Variants in INO80D observed in about 807,000 individuals in gnomAD.
INO80D encodes INO80 complex subunit D.
INO80D carries 21 observed loss-of-function variants against 87.6 expected under a neutral mutation model. That is an observed-to-expected ratio of 0.24 (90% CI 0.17 to 0.35). The LOEUF is 0.35. Ranked by LOEUF, INO80D falls within the 10% of genes least tolerant of loss-of-function variation. The pLI is 1.00. For synonymous variants in INO80D, 440 were observed against 491.0 expected (o/e 0.90, Z 1.37); for missense variants, 982 against 1,280.7 (o/e 0.77, Z 3.56).
intron 5 of INO80D, among the ~76,000 whole-genome samples, chr2:206,035,821 C>G (rs1688877111): frequency 6.6e-6 from 1 of 152,164 alleles, no homozygotes; most frequent in South Asian, 2.1e-4. Flanking sequence ...TCTTCACAAT[C>G]TATTCATCTG....
intron 8 of INO80D, among the ~76,000 whole-genome samples, chr2:206,015,135 G>A (rs1217698565): frequency 6.6e-6 from 1 of 152,132 alleles, no homozygotes; most frequent in South Asian, 2.1e-4. Context: ...GTTTTAAAAG[G>A]GAAATATAGA....
At chr2:206,050,791 AC>A (rs1348020284) in intron 4 of INO80D, among the ~76,000 whole-genome samples, 7 of 151,396 alleles carry the variant, frequency 4.6e-5, no homozygotes, top group Admixed American at 1.3e-4. Context: ...ACACGGTGAA[AC>A]CCCCGTCTCT....
Position 206,005,152 on chromosome 2 carries a change from G to A in INO80D, c.2300C>T (p.Ala767Val). Residue 767 changes from alanine (A) to valine (V), a missense_variant, in exon 11 of 11, where the codon GCC becomes GTC. Coordinates refer to ENST00000403263, the MANE Select transcript of INO80D (RefSeq NM_017759.5). ...AAGTGCACTCTGGCTGATCAGAGTG[G>A]CAGAAGTAAGGCCAACGTTGGCTGG... is the stretch of plus-strand genomic sequence containing the variant. ...SAPANVGLTS[A>V]TLISQSALGE... The A allele has an allele frequency of 6.2e-7, 1 of 1,614,048 alleles. No individual in the cohort carries two copies.
rs1226326534 is a variant in INO80D at position 206,002,698 on chromosome 2, G to C, written c.*1670C>G. The C allele has an allele frequency of 6.6e-6, 1 of 152,146 alleles. No homozygotes were observed. Among genetic ancestry groups the C allele is most frequent in the Non-Finnish European group, 1.5e-5 (1 of 68,024 alleles). The allele number at this position is 152,146 out of a possible 1,614,324, so 9.4% of individuals were successfully genotyped here. ...CTGGTTAGAACTAGCATGGCATAAA[G>C]AGATTACATACAGGAAGTAGGAAAA... On this transcript the variant is annotated 3_prime_UTR_variant, in exon 11 of 11. Transcript: ENST00000403263.
chr2:206,004,550 G>C lies in INO80D; in HGVS notation c.2902C>G (p.Pro968Ala). Residue 968 changes from proline (P) to alanine (A), a missense_variant, in exon 11 of 11, where the codon CCC becomes GCC. By Grantham distance (27) the Pro-to-Ala change is conservative. Transcript: ENST00000403263. This position sits in a 1 kb window ranked among gnomAD's most constrained non-coding sequence, Gnocchi z 4.9. ...PSAELMASTS[P>A]KQQLPQFSAA... ...CTGAACTGAGGGAGTTGCTGCTTGG[G>C]AGAGGTGGAGGCCATTAGTTCAGCA... The C allele has an allele frequency of 6.2e-7, 1 of 1,610,978 alleles. No individual in the cohort carries two copies. Among genetic ancestry groups the C allele is most frequent in the Non-Finnish European group, 8.5e-7 (1 of 1,178,638 alleles).
chr2:206,037,657 T>TA (rs1229995727), intron 5 of INO80D, among the ~76,000 whole-genome samples: 2 of 152,098 alleles, frequency 1.3e-5, no homozygotes, highest in African/African-American at 4.8e-5. Context: ...GAAAACAGTA[T>TA]AAAGATTTCT....
chr2:206,027,488 C>T (rs1184511654), intron 6 of INO80D, among the ~76,000 whole-genome samples: 2 of 152,106 alleles, frequency 1.3e-5, no homozygotes, highest in East Asian at 3.9e-4. Flanking sequence ...CGCTTCAGGC[C>T]AGGAGTTTGA....
At chr2:206,040,049 T>C (rs1250578196) in intron 5 of INO80D, among the ~76,000 whole-genome samples, 3 of 151,800 alleles carry the variant, frequency 2.0e-5, no homozygotes, top group Admixed American at 2.0e-4. Flanking sequence ...TCCCAGCACT[T>C]TGGGAGGCCA....
In INO80D at chr2:206,004,432, G is replaced by A. The variant is rs752098085; in HGVS notation, c.3020C>T (p.Thr1007Ile). The change falls in exon 11 of 11, where the codon ACA becomes ATA. Residue 1007 changes from threonine (T) to isoleucine (I), a missense_variant. Thr to Ile is a moderately conservative substitution (Grantham distance 89). Transcript: ENST00000403263. This position sits in a 1 kb window ranked among gnomAD's most constrained non-coding sequence, Gnocchi z 4.9. The part of the protein sequence containing the change: ...HSSIAPPTGF[T>I]VTGATATSTN... ...ACTTGTAGCTGTGGCACCTGTTACT[G>A]TGAAGCCTGTAGGAGGGGCTATAGA... 6.2e-7 allele frequency: 1 copy of A among 1,604,766 alleles called. No homozygotes were observed.
At chr2:206,053,590 A>T (rs1040973835) in intron 4 of INO80D, among the ~76,000 whole-genome samples, 1 of 152,154 alleles carries the variant, frequency 6.6e-6, no homozygotes, top group African/African-American at 2.4e-5. Context: ...AACTCCTATA[A>T]AATATACCCT....
chr2:206,080,567 A>G (rs1690248164), intron 1 of INO80D, among the ~76,000 whole-genome samples: 1 of 152,190 alleles, frequency 6.6e-6, no homozygotes, highest in Admixed American at 6.5e-5. Context: ...TATTAGTATT[A>G]TTAATATATA....
chr2:206,038,305 T>C (rs1180312779), intron 5 of INO80D, among the ~76,000 whole-genome samples: 1 of 152,236 alleles, frequency 6.6e-6, no homozygotes, highest in Non-Finnish European at 1.5e-5. Flanking sequence ...ATTTGTGGTA[T>C]AAAGATGAAT....
intron 3 of INO80D, among the ~76,000 whole-genome samples, chr2:206,058,772 A>C (rs1017368719): frequency 1.3e-5 from 2 of 152,128 alleles, no homozygotes; most frequent in African/African-American, 4.8e-5. Flanking sequence ...TCCATGCTTA[A>C]ATAAATTTGG....
intron 5 of INO80D, among the ~76,000 whole-genome samples, chr2:206,034,900 G>C (rs906258041): frequency 1.3e-5 from 2 of 152,070 alleles, no homozygotes; most frequent in Non-Finnish European, 2.9e-5. Flanking sequence ...AAAGTGTCCG[G>C]ATACAAGGTT....
intron 5 of INO80D, among the ~76,000 whole-genome samples, chr2:206,044,704 A>C (rs1283798793): frequency 6.6e-6 from 1 of 152,212 alleles, no homozygotes; most frequent in Admixed American, 6.5e-5. Flanking sequence ...CATTGTTCCT[A>C]ATCAATAGCA....
chr2:206,021,128 A>G (rs1416099350), intron 6 of INO80D, among the ~76,000 whole-genome samples: 1 of 152,236 alleles, frequency 6.6e-6, no homozygotes, highest in Non-Finnish European at 1.5e-5. Flanking sequence ...GAGTATGAGG[A>G]AAAAAATCTA....
rs1687893140 is a variant in INO80D at position 206,000,604 on chromosome 2, GT to G, written c.*3763del. ...TGGTTTCCTTCCTAATCAAAGAGTT[GT>G]CTTTGCCACTGTGGACTGTGATCAC... On this transcript the variant is annotated 3_prime_UTR_variant, in exon 11 of 11. Transcript: ENST00000403263. The G allele has an allele frequency of 6.6e-6, 1 of 152,100 alleles. No individual in the cohort carries two copies. The highest frequency in any genetic ancestry group is 2.4e-5 in the African/African-American group (1 of 41,394). The allele number at this position is 152,100 out of a possible 1,614,324, so 9.4% of individuals were successfully genotyped here. A position where few individuals can be genotyped will look rare whatever the true frequency, so the allele number is the denominator to read the frequency against.
At chr2:206,008,147 AATTTTTGTTTGTTTTT>A (rs1400803422) in intron 9 of INO80D, among the ~76,000 whole-genome samples, 1 of 151,668 alleles carries the variant, frequency 6.6e-6, no homozygotes, top group East Asian at 1.9e-4. Flanking sequence ...ATGCCAAGCT[AATTTTTGTTTGTTTTT>A]AGTAGAGACG....
intron 6 of INO80D, among the ~76,000 whole-genome samples, chr2:206,023,147 G>A (rs1312064901): frequency 6.6e-6 from 1 of 152,008 alleles, no homozygotes; most frequent in Non-Finnish European, 1.5e-5. Flanking sequence ...CTTGCAGGGA[G>A]CCAAGACAGC....
Sources: gnomAD v4.1 joint callset for allele counts (sites outside exome capture counted in the v4.1 genomes callset) on GRCh38, gnomAD v4.1.1 for gene constraint, Gnocchi (gnomAD v3.1) non-coding constraint, MANE v1.5 for transcripts, NCBI Gene and HGNC (gene_info 2026-07-23, HGNC 2026-07-21) for gene names.